The following PRKAG2 variants were observed in gnomAD, a reference collection of about 807,000 sequenced individuals.
PRKAG2 encodes the protein protein kinase AMP-activated non-catalytic subunit gamma 2.
A neutral mutation model predicts 69.6 loss-of-function variants in PRKAG2; 26 were observed. The ratio of observed to expected loss-of-function variants is 0.37; its 90% CI spans 0.27 to 0.52. The LOEUF (loss-of-function observed/expected upper bound fraction) is 0.52, where lower values mean the gene tolerates loss of function less well. Ranked by LOEUF, PRKAG2 falls within the 20% of genes least tolerant of loss-of-function variation. The probability of loss-of-function intolerance (pLI) is 0.90; values close to 1 mark genes in which losing one functional copy is unlikely to be tolerated. For synonymous variants in PRKAG2, 293 were observed against 285.0 expected (o/e 1.03, Z -0.28); for missense variants, 557 against 740.0 (o/e 0.75, Z 2.87).
intron 1 of PRKAG2, among the ~76,000 whole-genome samples, chr7:151,872,314 G>A (rs1327972967): frequency 6.6e-6 from 1 of 152,184 alleles, no homozygotes; most frequent in Non-Finnish European, 1.5e-5. Flanking sequence ...AAGTACTTGA[G>A]TTGGTTTCCT....
intron 1 of PRKAG2, among the ~76,000 whole-genome samples, chr7:151,795,846 CATATATATATATATATATATAT>C (rs55657994): frequency 6.7e-4 from 38 of 56,800 alleles, no homozygotes; most frequent in East Asian, 1.2e-3. Context: ...AAACAAATCT[CATATATATATATATATATATAT>C]ATATATATAT....
At chr7:151,702,673 T>A (rs547418158) in intron 3 of PRKAG2, among the ~76,000 whole-genome samples, 2 of 152,184 alleles carry the variant, frequency 1.3e-5, no homozygotes, top group Non-Finnish European at 2.9e-5. Flanking sequence ...GAATCCCAAG[T>A]TAAAATACTC....
chr7:151,644,735 G>A (rs940993492), intron 4 of PRKAG2, among the ~76,000 whole-genome samples: 7 of 152,190 alleles, frequency 4.6e-5, no homozygotes, highest in Non-Finnish European at 8.8e-5. Context: ...TGGTAGGTGT[G>A]TGTTTAATAT....
At chr7:151,758,128 G>A (rs2075210355) in intron 3 of PRKAG2, among the ~76,000 whole-genome samples, 1 of 151,002 alleles carries the variant, frequency 6.6e-6, no homozygotes, top group Non-Finnish European at 1.5e-5. Context: ...GTCTAGGCCA[G>A]TGATTTTCAA....
intron 4 of PRKAG2, among the ~76,000 whole-genome samples, chr7:151,658,834 G>A (rs1226710263): frequency 1.3e-5 from 2 of 152,134 alleles, no homozygotes; most frequent in Non-Finnish European, 2.9e-5. Context: ...TATTTGACTG[G>A]TGCCCATTTG....
chr7:151,695,510 G>A (rs534057042), intron 3 of PRKAG2, among the ~76,000 whole-genome samples: 6 of 152,272 alleles, frequency 3.9e-5, no homozygotes, highest in Admixed American at 2.6e-4. Flanking sequence ...CCTAAGTGCC[G>A]GCATTGTGCA....
At position 151,820,504 on chromosome 7, in the gene PRKAG2, T is replaced by TCCAACTTCACGTCTCCCACAG. The variant is rs1563728088; in HGVS notation, c.115-33964_115-33963insCTGTGGGAGACGTGAAGTTGG. The stretch of plus-strand genomic sequence containing the variant: ...CTACTCGGAACACCGCTCCGTGGCC[T>TCCAACTTCACGTCTCCCACAG]GGCCCCTGTGGCTTCTGCAGGGCAC... On this transcript the variant is annotated intron_variant, in intron 1 of 15. Transcript: ENST00000287878. Among the ~76,000 whole-genome samples the TCCAACTTCACGTCTCCCACAG allele has an allele frequency of 1.2e-3, 104 of 87,682 alleles. 1 individual carries two copies. The highest frequency in any genetic ancestry group is 8.0e-3 in the East Asian group (16 of 2,012). The allele number at this position is 87,682 out of a possible 152,430, so 57.5% of individuals were successfully genotyped here.
At chr7:151,576,004 C>T (rs1808843774) in intron 7 of PRKAG2, among the ~76,000 whole-genome samples, 1 of 136,960 alleles carries the variant, frequency 7.3e-6, no homozygotes. Context: ...TTTTTTTTGA[C>T]AGGGTCTCGC....
intron 5 of PRKAG2, among the ~76,000 whole-genome samples, chr7:151,603,624 C>T (rs935456578): frequency 3.3e-5 from 5 of 150,804 alleles, no homozygotes; most frequent in African/African-American, 4.9e-5. Context: ...TCACCGCACA[C>T]GGAGGGACCC....
Position 151,632,372 on chromosome 7 carries a change from C to T in PRKAG2, c.685-234G>A, listed in dbSNP as rs1191812983. On this transcript the variant is annotated intron_variant, in intron 4 of 15. Coordinates refer to ENST00000287878, the MANE Select transcript of PRKAG2 (RefSeq NM_016203.4). The surrounding 1 kb of genome is among the most constrained non-coding windows in gnomAD (Gnocchi z 4.2). ...CGGCCGCGGCCCGCGTGCCCCTCCG[C>T]GAGTGGGACGCGCCGCTCCCCCCCG... 2.1e-6 allele frequency: 1 copy of T among 482,600 alleles called. No individual in the cohort carries two copies. Among genetic ancestry groups the T allele is most frequent in the South Asian group, 8.7e-5 (1 of 11,454 alleles). 29.9% of individuals were successfully genotyped at this position (482,600 alleles called of 1,614,324 possible). A position where few individuals can be genotyped will look rare whatever the true frequency, so the allele number is the denominator to read the frequency against.
chr7:151,563,979 T>C (rs1283138610), intron 14 of PRKAG2, 99 bp downstream of exon 14: 6 of 1,557,242 alleles, frequency 3.9e-6, no homozygotes, highest in Admixed American at 1.7e-5. Flanking sequence ...GCTGCCTCGC[T>C]GGGCCCTTCC....
At chr7:151,708,735 G>A (rs537790395) in intron 3 of PRKAG2, among the ~76,000 whole-genome samples, 1 of 152,350 alleles carries the variant, frequency 6.6e-6, no homozygotes, top group Admixed American at 6.5e-5. Context: ...GGGAACTTGA[G>A]CACAGCAAAG....
In PRKAG2 at chr7:151,719,351, GCCT is replaced by G. The variant is rs1796674435; in HGVS notation, c.467-43717_467-43715del. On this transcript the variant is annotated intron_variant, in intron 3 of 15. Transcript: ENST00000287878. The surrounding 1 kb of genome is among the most constrained non-coding windows in gnomAD (Gnocchi z 5.2). ...GTAGTCACAGAGACCCACCGCTCAG[GCCT>G]CCTGCTGGGGGAGCTGGGCTATAAC... is the stretch of plus-strand genomic sequence containing the variant. Among the ~76,000 whole-genome samples, 1 of 152,040 alleles carries G rather than the reference GCCT, an allele frequency of 6.6e-6. No homozygotes were observed. Among genetic ancestry groups the G allele is most frequent in the South Asian group, 2.1e-4 (1 of 4,774 alleles).
intron 1 of PRKAG2, among the ~76,000 whole-genome samples, chr7:151,849,039 A>G (rs545918299): frequency 7.2e-5 from 11 of 152,232 alleles, no homozygotes; most frequent in African/African-American, 2.4e-4. Context: ...TCCTCTCCCA[A>G]TGGCTCCTGC....
chr7:151,748,432 G>T (rs755464360), intron 3 of PRKAG2, among the ~76,000 whole-genome samples: 20 of 152,166 alleles, frequency 1.3e-4, no homozygotes, highest in Admixed American at 3.3e-4. Flanking sequence ...CTGGGAAGGT[G>T]TGGGGTGGGA....
chr7:151,856,401 G>C (rs773823162), intron 1 of PRKAG2, among the ~76,000 whole-genome samples: 13 of 152,266 alleles, frequency 8.5e-5, no homozygotes, highest in Non-Finnish European at 1.6e-4. Flanking sequence ...CCCTGCGGAG[G>C]CTTGCAGCTC....
rs78626205 is a variant in PRKAG2, at chr7:151,762,934, A to G, written c.466+18218T>C. On this transcript the variant is annotated intron_variant, in intron 3 of 15. Transcript: ENST00000287878. ...CCTCATCAAGACCATGGGGACAAAC[A>G]GGAGGCGTCCCCCAAAGCAAATAAG... Among the ~76,000 whole-genome samples, 692 of 152,330 alleles carry G rather than the reference A, an allele frequency of 4.5e-3. 3 individuals carry two copies. The highest frequency in any genetic ancestry group is 7.5e-3 in the Non-Finnish European group (509 of 68,026).
intron 5 of PRKAG2, among the ~76,000 whole-genome samples, chr7:151,627,356 T>G (rs1231875649): frequency 3.9e-5 from 6 of 152,180 alleles, no homozygotes; most frequent in African/African-American, 9.7e-5. Flanking sequence ...CTGGGTGCAG[T>G]GGCTCACACC....
At chr7:151,874,602 G>C (rs1045065324) in intron 1 of PRKAG2, among the ~76,000 whole-genome samples, 2 of 151,960 alleles carry the variant, frequency 1.3e-5, no homozygotes, top group African/African-American at 4.8e-5. Context: ...GAGTTTTCCC[G>C]GGATGGGTGT....
Sources: allele counts gnomAD v4.1 joint callset (sites outside exome capture counted in the v4.1 genomes callset), GRCh38; gene constraint gnomAD v4.1.1; non-coding constraint Gnocchi (gnomAD v3.1); transcripts MANE v1.5; gene names NCBI Gene and HGNC (gene_info 2026-07-23, HGNC 2026-07-21).